OLFM3: variants seen among roughly 807,000 people sequenced by gnomAD.
OLFM3 encodes the protein noelin-3.
OLFM3 carries 20 observed loss-of-function variants against 48.6 expected under a neutral mutation model. The observed-to-expected ratio is 0.41, with a 90% CI of 0.29 to 0.60. The LOEUF is 0.60. OLFM3 is among the 20% of genes least tolerant of loss of function. The pLI is 0.28. For synonymous variants in OLFM3, 222 were observed against 198.1 expected (o/e 1.12, Z -1.01); for missense variants, 437 against 544.3 (o/e 0.80, Z 1.96).
At chr1:101,968,320 A>T (rs1029574693) in intron 1 of OLFM3, among the ~76,000 whole-genome samples, 1 of 151,934 alleles carries the variant, frequency 6.6e-6, no homozygotes, top group African/African-American at 2.4e-5. Context: ...ACCATAAAGA[A>T]TTATGTTGCA....
intron 1 of OLFM3, among the ~76,000 whole-genome samples, chr1:101,851,898 G>A (rs1656233939): frequency 6.6e-6 from 1 of 152,048 alleles, no homozygotes; most frequent in Admixed American, 6.6e-5. Context: ...CAAATTTCCA[G>A]GTCTCACCTG....
intron 1 of OLFM3, among the ~76,000 whole-genome samples, chr1:101,906,230 T>C (rs1433375413): frequency 6.6e-6 from 1 of 152,052 alleles, no homozygotes; most frequent in East Asian, 1.9e-4. Context: ...ATTTCTTATA[T>C]CATCACTAAA....
chr1:101,837,817 T>C (rs954198814), intron 1 of OLFM3: 1 of 152,166 alleles, frequency 6.6e-6, no homozygotes, highest in African/African-American at 2.4e-5. Flanking sequence ...ATTCATGTCT[T>C]TTTATGTCGC....
chr1:101,971,515 T>C (rs1660803045), intron 1 of OLFM3, among the ~76,000 whole-genome samples: 1 of 152,202 alleles, frequency 6.6e-6, no homozygotes, highest in African/African-American at 2.4e-5. Flanking sequence ...TGACAGATCT[T>C]TGATGGCAAG....
intron 1 of OLFM3, among the ~76,000 whole-genome samples, chr1:101,953,131 A>G (rs1253879432): frequency 6.6e-6 from 1 of 152,178 alleles, no homozygotes; most frequent in Admixed American, 6.5e-5. Flanking sequence ...CATGTCGGAC[A>G]TACTGGGTTA....
rs190817776 is a variant in OLFM3, at chr1:101,871,498, A to G, written c.70-34473T>C. Among the ~76,000 whole-genome samples, 3 of 152,216 alleles carry G rather than the reference A, an allele frequency of 2.0e-5. No individual in the cohort carries two copies. The East Asian group carries it at 5.8e-4, about 29-fold the overall frequency. ...GGTTTAGCTGACATCTTCCACAGAA[A>G]GATGCATCATCAGCAGTAAGAATTG... On this transcript the variant is annotated intron_variant, in intron 1 of 5. Transcript: ENST00000370103.
intron 1 of OLFM3, among the ~76,000 whole-genome samples, chr1:101,916,497 T>C (rs576675642): frequency 1.2e-3 from 180 of 152,274 alleles, no homozygotes; most frequent in African/African-American, 4.0e-3. Context: ...GCATTCTGGC[T>C]GGCTGAATTT....
At chr1:101,945,759 G>A (rs573079215) in intron 1 of OLFM3, among the ~76,000 whole-genome samples, 1 of 152,204 alleles carries the variant, frequency 6.6e-6, no homozygotes, top group South Asian at 2.1e-4. Context: ...ATCAGCCTAG[G>A]CAGCATAGTG....
At chr1:101,976,613 T>C (rs892472548) in intron 1 of OLFM3, among the ~76,000 whole-genome samples, 3 of 152,176 alleles carry the variant, frequency 2.0e-5, no homozygotes, top group African/African-American at 7.2e-5. Context: ...AAGTCCGGCT[T>C]CATCTTTTCC....
chr1:101,905,674 A>G (rs1038339605), intron 1 of OLFM3, among the ~76,000 whole-genome samples: 2 of 152,128 alleles, frequency 1.3e-5, no homozygotes, highest in Non-Finnish European at 2.9e-5. Context: ...CGCTTTAAAC[A>G]TTGTGAACAC....
intron 1 of OLFM3, among the ~76,000 whole-genome samples, chr1:101,982,863 C>T (rs920579857): frequency 2.0e-5 from 3 of 151,876 alleles, no homozygotes; most frequent in Non-Finnish European, 4.4e-5. Flanking sequence ...ATCATGTGAG[C>T]CAATTTCTTA....
chr1:101,956,926 C>T (rs1660315208), intron 1 of OLFM3, among the ~76,000 whole-genome samples: 1 of 151,702 alleles, frequency 6.6e-6, no homozygotes, highest in Non-Finnish European at 1.5e-5. Flanking sequence ...CTCTATCTTC[C>T]TAATCAGATC....
intron 1 of OLFM3, among the ~76,000 whole-genome samples, chr1:101,949,333 T>G (rs1660050532): frequency 6.6e-6 from 1 of 152,268 alleles, no homozygotes; most frequent in African/African-American, 2.4e-5. Flanking sequence ...TATTTTTATT[T>G]TCCTGAATTC....
At chr1:101,910,979 T>A (rs1330639907) in intron 1 of OLFM3, among the ~76,000 whole-genome samples, 1 of 152,204 alleles carries the variant, frequency 6.6e-6, no homozygotes, top group East Asian at 1.9e-4. Context: ...AATAGAGTTA[T>A]TAGAGTTATT....
intron 1 of OLFM3, among the ~76,000 whole-genome samples, chr1:101,897,168 A>G (rs917822003): frequency 1.1e-4 from 16 of 152,188 alleles, no homozygotes; most frequent in Non-Finnish European, 1.8e-4. Context: ...GTAATCTGTG[A>G]TAAGAAAAAT....
intron 1 of OLFM3, among the ~76,000 whole-genome samples, chr1:101,902,711 G>A (rs572417352): frequency 6.6e-6 from 1 of 152,182 alleles, no homozygotes; most frequent in South Asian, 2.1e-4. Context: ...GCTACTATTT[G>A]TTTAGGGGTT....
intron 1 of OLFM3, among the ~76,000 whole-genome samples, chr1:101,862,266 G>GA (rs2100964718): frequency 6.6e-6 from 1 of 152,180 alleles, no homozygotes; most frequent in East Asian, 1.9e-4. Flanking sequence ...TTACTGATCT[G>GA]ATTTCAAACG....
intron 1 of OLFM3, among the ~76,000 whole-genome samples, chr1:101,859,573 A>T (rs1411472449): frequency 6.6e-6 from 1 of 152,146 alleles, no homozygotes; most frequent in South Asian, 2.1e-4. Context: ...GGATTTTGAA[A>T]TATTTGCATT....
At chr1:101,961,123 G>T (rs950100242) in intron 1 of OLFM3, among the ~76,000 whole-genome samples, 1 of 151,924 alleles carries the variant, frequency 6.6e-6, no homozygotes, top group Non-Finnish European at 1.5e-5. Context: ...CTATAGAACT[G>T]GTAAGAAAAG....
Sources: allele counts gnomAD v4.1 joint callset (sites outside exome capture counted in the v4.1 genomes callset), GRCh38; gene constraint gnomAD v4.1.1; transcripts MANE v1.5; gene names NCBI Gene and HGNC (gene_info 2026-07-23, HGNC 2026-07-21).